The following PDE4D variants were observed in gnomAD, a reference collection of about 807,000 sequenced individuals.
PDE4D encodes the protein phosphodiesterase 4D, also known as 3',5'-cyclic-AMP phosphodiesterase 4D.
A neutral mutation model predicts 87.4 loss-of-function variants in PDE4D; 24 were observed. The observed-to-expected ratio is 0.27, with a 90% confidence interval of 0.20 to 0.39. The LOEUF is 0.39. Ranked by LOEUF, PDE4D falls within the 10% of genes least tolerant of loss-of-function variation. The probability of loss-of-function intolerance (pLI) is 1.00; values close to 1 mark genes in which losing one functional copy is unlikely to be tolerated. For synonymous variants in PDE4D, 384 were observed against 383.2 expected, an observed-to-expected ratio of 1.00 and a Z score of -0.02; for missense variants, 714 against 1,041.0, an observed-to-expected ratio of 0.69 and a Z score of 4.32.
At chr5:60,402,748 G>A (rs892136692) in intron 1 of PDE4D, among the ~76,000 whole-genome samples, 1 of 152,170 alleles carries the variant, frequency 6.6e-6, no homozygotes, top group African/African-American at 2.4e-5. Context: ...GACTCCTAAG[G>A]GATGTTTATA....
intron 1 of PDE4D, among the ~76,000 whole-genome samples, chr5:59,418,993 A>T (rs1794071972): frequency 6.6e-6 from 1 of 152,174 alleles, no homozygotes; most frequent in South Asian, 2.1e-4. Context: ...AGACCTTTGA[A>T]TCTGCTGGGT....
intron 1 of PDE4D, among the ~76,000 whole-genome samples, chr5:60,272,039 A>C (rs1750865813): frequency 6.6e-6 from 1 of 152,214 alleles, no homozygotes; most frequent in South Asian, 2.1e-4. Flanking sequence ...CTAGCTCCCA[A>C]GATAAGCCTA....
intron 1 of PDE4D, among the ~76,000 whole-genome samples, chr5:59,488,166 CAAAAA>C (rs529078753): frequency 0.096 from 10,277 of 107,340 alleles, 1,150 homozygotes; most frequent in African/African-American, 0.29. Flanking sequence ...CATCAAGAGC[CAAAAA>C]AAAAAAAAAA....
chr5:59,892,347 T>C (rs923475735), intron 1 of PDE4D, among the ~76,000 whole-genome samples: 1 of 152,188 alleles, frequency 6.6e-6, no homozygotes, highest in African/African-American at 2.4e-5. Context: ...GAAATCACTA[T>C]AATCAAATCT....
intron 1 of PDE4D, among the ~76,000 whole-genome samples, chr5:59,558,947 G>A (rs1819458677): frequency 6.6e-6 from 1 of 152,078 alleles, no homozygotes; most frequent in South Asian, 2.1e-4. Context: ...ATGAGGTTGG[G>A]GGTAGTGAAG....
intron 1 of PDE4D, among the ~76,000 whole-genome samples, chr5:59,649,155 C>T (rs1040939705): frequency 2.6e-5 from 4 of 152,020 alleles, no homozygotes; most frequent in African/African-American, 9.7e-5. Flanking sequence ...GAGTGAATGC[C>T]CAATGTGAGG....
chr5:59,973,001 T>C (rs1760940566), intron 3 of PDE4D, among the ~76,000 whole-genome samples: 1 of 152,142 alleles, frequency 6.6e-6, no homozygotes, highest in African/African-American at 2.4e-5. Flanking sequence ...TACAAAGTGA[T>C]CTGGAGAATT....
chr5:59,662,250 G>A (rs1476733429), intron 1 of PDE4D, among the ~76,000 whole-genome samples: 1 of 152,154 alleles, frequency 6.6e-6, no homozygotes, highest in African/African-American at 2.4e-5. Flanking sequence ...TACTTTGGCT[G>A]GAAAGAAACT....
At chr5:59,928,388 G>GCCAACATCCT (rs143875393) in intron 3 of PDE4D, among the ~76,000 whole-genome samples, 12,577 of 151,980 alleles carry the variant, frequency 0.083, 996 homozygotes, top group African/African-American at 0.2. Flanking sequence ...GACCAGCCTG[G>GCCAACATCCT]CCAACATCCT....
chr5:60,314,249 C>A (rs1755324760), intron 1 of PDE4D, among the ~76,000 whole-genome samples: 1 of 151,962 alleles, frequency 6.6e-6, no homozygotes, highest in Non-Finnish European at 1.5e-5. Flanking sequence ...TCACTGCAAC[C>A]TCCATCTCCT....
intron 1 of PDE4D, among the ~76,000 whole-genome samples, chr5:59,786,484 G>A (rs1765187096): frequency 6.6e-6 from 1 of 152,208 alleles, no homozygotes; most frequent in Non-Finnish European, 1.5e-5. Context: ...GTGGGTTCCA[G>A]GCAGCTGTAA....
intron 2 of PDE4D, among the ~76,000 whole-genome samples, chr5:60,082,692 C>A (rs1774085297): frequency 6.6e-6 from 1 of 152,152 alleles, no homozygotes; most frequent in African/African-American, 2.4e-5. Context: ...CCAGGAAGTG[C>A]AATTCTACTT....
At chr5:60,459,470 G>A (rs909100372) in intron 1 of PDE4D, among the ~76,000 whole-genome samples, 4 of 151,924 alleles carry the variant, frequency 2.6e-5, no homozygotes, top group Non-Finnish European at 5.9e-5. Flanking sequence ...TAGAGACACC[G>A]TGTACTCTCT....
At chr5:60,170,750 C>T (rs1170746897) in intron 2 of PDE4D, among the ~76,000 whole-genome samples, 1 of 151,814 alleles carries the variant, frequency 6.6e-6, no homozygotes, top group African/African-American at 2.4e-5. Context: ...CAGAAGAGAA[C>T]ATCTTATTAA....
chr5:60,108,783 G>C (rs1456345058), intron 2 of PDE4D, among the ~76,000 whole-genome samples: 2 of 152,120 alleles, frequency 1.3e-5, no homozygotes, highest in African/African-American at 4.8e-5. Context: ...TTAATAAATG[G>C]TGCTGGGAAA....
intron 2 of PDE4D, among the ~76,000 whole-genome samples, chr5:60,068,486 G>A (rs1206417896): frequency 6.6e-6 from 1 of 151,460 alleles, no homozygotes; most frequent in Non-Finnish European, 1.5e-5. Flanking sequence ...GTTTATTTTA[G>A]ATATTTTGGA....
chr5:59,087,409 C>T (rs1312168596), intron 5 of PDE4D, among the ~76,000 whole-genome samples: 1 of 151,998 alleles, frequency 6.6e-6, no homozygotes, highest in African/African-American at 2.4e-5. Flanking sequence ...TCGTTTGAGC[C>T]TGGGAGGTCA....
At chr5:59,696,786 T>C (rs768512269) in intron 1 of PDE4D, among the ~76,000 whole-genome samples, 12 of 152,198 alleles carry the variant, frequency 7.9e-5, no homozygotes, top group Non-Finnish European at 1.5e-4. Context: ...TTTAAGTTCC[T>C]TGACCGGAAT....
At chr5:59,012,191 C>G (rs1236682287) in intron 6 of PDE4D, among the ~76,000 whole-genome samples, 2 of 152,164 alleles carry the variant, frequency 1.3e-5, no homozygotes, top group East Asian at 3.9e-4. Context: ...CCAGCTACTG[C>G]AAAAACATGC....
Sources: gnomAD v4.1 joint callset for allele counts (sites outside exome capture counted in the v4.1 genomes callset) on GRCh38, gnomAD v4.1.1 for gene constraint, MANE v1.5 for transcripts, NCBI Gene and HGNC (gene_info 2026-07-23, HGNC 2026-07-21) for gene names.